ARFIP1: variants seen among roughly 807,000 people sequenced by gnomAD.
ARFIP1 encodes the protein arfaptin-1.
In ARFIP1, 24 loss-of-function variants were observed where a neutral mutation model predicts 42.5. The observed-to-expected ratio is 0.57, with a 90% CI of 0.41 to 0.80. ARFIP1 has a LOEUF of 0.80. ARFIP1 is among the 30% of genes least tolerant of loss of function. ARFIP1 has a pLI of 0.00. For synonymous variants in ARFIP1, 141 were observed against 153.7 expected, an observed-to-expected ratio of 0.92 and a Z score of 0.61; for missense variants, 354 against 434.0, an observed-to-expected ratio of 0.82 and a Z score of 1.64.
At chr4:152,843,388 G>A (rs549981077) in intron 2 of ARFIP1, among the ~76,000 whole-genome samples, 2 of 152,290 alleles carry the variant, frequency 1.3e-5, no homozygotes, top group South Asian at 4.1e-4. Flanking sequence ...TTTTTGTGCT[G>A]ATTGGCCTCC....
intron 1 of ARFIP1, among the ~76,000 whole-genome samples, chr4:152,786,290 G>A (rs1730804695): frequency 6.6e-6 from 1 of 152,144 alleles, no homozygotes; most frequent in Non-Finnish European, 1.5e-5. Context: ...ATATCTTAAA[G>A]GTATCTCAAA....
At chr4:152,866,144 T>C (rs974504936) in intron 3 of ARFIP1, among the ~76,000 whole-genome samples, 2 of 152,116 alleles carry the variant, frequency 1.3e-5, no homozygotes, top group Admixed American at 6.5e-5. Flanking sequence ...CATTTAACCC[T>C]GAGTGGACAC....
intron 1 of ARFIP1, among the ~76,000 whole-genome samples, chr4:152,793,871 G>C (rs550345464): frequency 2.0e-5 from 3 of 152,070 alleles, no homozygotes; most frequent in African/African-American, 7.2e-5. Flanking sequence ...AAAACGAACT[G>C]CCTGAACCTT....
chr4:152,848,318 G>T (rs1217799728), intron 2 of ARFIP1, among the ~76,000 whole-genome samples: 1 of 152,058 alleles, frequency 6.6e-6, no homozygotes, highest in Non-Finnish European at 1.5e-5. Flanking sequence ...TCAATAAATG[G>T]TGAATAAATG....
At chr4:152,844,635 C>A (rs1732392637) in intron 2 of ARFIP1, among the ~76,000 whole-genome samples, 1 of 151,694 alleles carries the variant, frequency 6.6e-6, no homozygotes, top group African/African-American at 2.4e-5. Flanking sequence ...ACCTATTTCA[C>A]CTCCTTAAAG....
intron 1 of ARFIP1, among the ~76,000 whole-genome samples, chr4:152,808,298 T>TTTTTTTG (rs1729164175): frequency 7.9e-6 from 1 of 126,078 alleles, no homozygotes; most frequent in Non-Finnish European, 1.7e-5. Context: ...TTTTTTTTTT[T>TTTTTTTG]TTTTTTTTTT....
chr4:152,882,619 C>T (rs1735934685), intron 6 of ARFIP1, 104 bp from the exon 7 acceptor site: 2 of 1,092,108 alleles, frequency 1.8e-6, no homozygotes, highest in Admixed American at 2.5e-5. Flanking sequence ...ACAGCTAGAT[C>T]TCTATCTAAA....
chr4:152,814,357 G>A (rs1201362676), intron 1 of ARFIP1, among the ~76,000 whole-genome samples: 1 of 152,054 alleles, frequency 6.6e-6, no homozygotes, highest in Admixed American at 6.5e-5. Flanking sequence ...GCCTACCAAA[G>A]TGCTGGGATT....
intron 7 of ARFIP1, among the ~76,000 whole-genome samples, chr4:152,887,725 A>G (rs1027220167): frequency 1.3e-5 from 2 of 152,076 alleles, no homozygotes; most frequent in Non-Finnish European, 2.9e-5. Context: ...TTTTTTCAGA[A>G]CCATTTACAC....
chr4:152,832,378 C>G (rs891545636), intron 2 of ARFIP1, among the ~76,000 whole-genome samples: 1 of 152,096 alleles, frequency 6.6e-6, no homozygotes, highest in African/African-American at 2.4e-5. Flanking sequence ...TGGAGATTGT[C>G]TTTTATAAAG....
intron 2 of ARFIP1, among the ~76,000 whole-genome samples, chr4:152,854,846 G>A (rs1277281033): frequency 2.0e-5 from 3 of 152,202 alleles, no homozygotes; most frequent in Admixed American, 2.0e-4. Context: ...TTGTAGCAGT[G>A]GTGGGCTGAG....
At chr4:152,906,262 C>T (rs577629205) in intron 8 of ARFIP1, among the ~76,000 whole-genome samples, 6 of 152,296 alleles carry the variant, frequency 3.9e-5, no homozygotes, top group African/African-American at 1.4e-4. Flanking sequence ...ATATTAATGA[C>T]TCCCAAATTA....
chr4:152,840,981 A>C (rs1416165634), intron 2 of ARFIP1, among the ~76,000 whole-genome samples: 1 of 151,262 alleles, frequency 6.6e-6, no homozygotes, highest in Non-Finnish European at 1.5e-5. Context: ...CGACCTCCGA[A>C]AGTGCTGGGA....
chr4:152,896,229 G>C (rs1197705913), intron 8 of ARFIP1, among the ~76,000 whole-genome samples: 3 of 152,096 alleles, frequency 2.0e-5, no homozygotes, highest in African/African-American at 7.2e-5. Context: ...GGGAACAGGG[G>C]AGAAATAGCA....
intron 8 of ARFIP1, among the ~76,000 whole-genome samples, chr4:152,904,455 G>A (rs1196082702): frequency 6.6e-6 from 1 of 151,992 alleles, no homozygotes; most frequent in Admixed American, 6.6e-5. Context: ...CTCCCAAAGT[G>A]CTGGGATTAT....
intron 7 of ARFIP1, among the ~76,000 whole-genome samples, chr4:152,887,758 T>C (rs796525915): frequency 2.0e-4 from 30 of 152,208 alleles, no homozygotes; most frequent in African/African-American, 7.2e-4. Flanking sequence ...TAGTATGCCA[T>C]TCTAGAGTCT....
At chr4:152,896,280 G>A (rs28516616) in intron 8 of ARFIP1, among the ~76,000 whole-genome samples, 33,193 of 151,972 alleles carry the variant, frequency 0.22, 3,914 homozygotes, top group African/African-American at 0.3. Flanking sequence ...CTACACAAAG[G>A]TGAAATAACA....
intron 2 of ARFIP1, among the ~76,000 whole-genome samples, chr4:152,855,108 G>A (rs112659373): frequency 8.5e-5 from 13 of 152,288 alleles, no homozygotes; most frequent in Non-Finnish European, 1.6e-4. Context: ...TGGGCTGGGC[G>A]GACCAGTCTC....
intron 8 of ARFIP1, among the ~76,000 whole-genome samples, chr4:152,889,539 C>CTATATATATA (rs1736564759): frequency 1.1e-4 from 6 of 55,872 alleles, no homozygotes; most frequent in Non-Finnish European, 1.9e-4. Context: ...ATATATACAC[C>CTATATATATA]TATTTTTGTG....
Sources: gnomAD v4.1 joint callset for allele counts (sites outside exome capture counted in the v4.1 genomes callset) on GRCh38, gnomAD v4.1.1 for gene constraint, MANE v1.5 for transcripts, NCBI Gene and HGNC (gene_info 2026-07-23, HGNC 2026-07-21) for gene names.